MXI1: variants seen among roughly 807,000 people sequenced by gnomAD.
MXI1 encodes MAX interactor 1, dimerization protein, also known as max-interacting protein 1.
Under a neutral mutation model 36.9 loss-of-function variants are expected in MXI1, and 18 were observed. The ratio of observed to expected loss-of-function variants is 0.49; its 90% confidence interval spans 0.34 to 0.72. The LOEUF (loss-of-function observed/expected upper bound fraction) is 0.72, where lower values mean the gene tolerates loss of function less well. Among genes scored for constraint, MXI1 ranks in the 30% least tolerant of loss-of-function variants. MXI1 has a pLI of 0.01. For synonymous variants in MXI1, 160 were observed against 146.7 expected (o/e 1.09, Z -0.65); for missense variants, 304 against 379.1 (o/e 0.80, Z 1.64).
At chr10:110,222,343 A>T (rs1332124765) in intron 1 of MXI1, among the ~76,000 whole-genome samples, 4 of 152,212 alleles carry the variant, frequency 2.6e-5, no homozygotes, top group Non-Finnish European at 5.9e-5. Flanking sequence ...TCATCAACAC[A>T]GTAACTTTGG....
intron 1 of MXI1, among the ~76,000 whole-genome samples, chr10:110,214,696 T>C (rs1163875659): frequency 7.2e-6 from 1 of 139,382 alleles, no homozygotes. Flanking sequence ...TTAAACTGGG[T>C]TTCTGGAGGA....
rs1564709391 is a variant in MXI1 at position 110,228,228 on chromosome 10, C to T, written c.314C>T (p.Pro105Leu). The T allele has an allele frequency of 3.1e-6, 5 of 1,614,058 alleles. No homozygotes were observed. The highest frequency in any genetic ancestry group is 2.2e-5 in the South Asian group (2 of 91,070). Residue 105 changes from proline to leucine, a missense_variant, in exon 2 of 6, where the codon CCG (proline) becomes CTG (leucine). Pro to Leu is a moderately conservative substitution (Grantham distance 98). Coordinates refer to ENST00000332674, the MANE Select transcript of MXI1 (RefSeq NM_130439.3). ...HGYASSFPSM[P>L]SPRLQHSKPP... ...TACGCCTCTTCATTCCCGTCCATGCCGAGCCCCCGACTGCAGCATTCAAAG... is the reference window on the plus strand; with the variant it reads ...TACGCCTCTTCATTCCCGTCCATGCTGAGCCCCCGACTGCAGCATTCAAAG...
chr10:110,274,696 CATA>C (rs1287192845), intron 3 of MXI1, among the ~76,000 whole-genome samples: 1 of 152,080 alleles, frequency 6.6e-6, no homozygotes, highest in Non-Finnish European at 1.5e-5. Context: ...TAATGTTCAT[CATA>C]ATATTCAGAA....
intron 3 of MXI1, among the ~76,000 whole-genome samples, chr10:110,247,450 A>G (rs1342676506): frequency 2.6e-5 from 4 of 152,142 alleles, no homozygotes; most frequent in African/African-American, 9.7e-5. Flanking sequence ...TTTAGACATG[A>G]AGTCCTTGCC....
intron 2 of MXI1, among the ~76,000 whole-genome samples, chr10:110,230,418 C>T (rs1855217726): frequency 6.6e-6 from 1 of 151,852 alleles, no homozygotes; most frequent in South Asian, 2.1e-4. Context: ...TGATAGTGCC[C>T]AAAGGAGAAT....
intron 2 of MXI1, among the ~76,000 whole-genome samples, chr10:110,243,771 T>C (rs1855758457): frequency 6.6e-6 from 1 of 152,148 alleles, no homozygotes; most frequent in Admixed American, 6.5e-5. Flanking sequence ...TTAGTCCTTA[T>C]AACAATCATA....
intron 2 of MXI1, among the ~76,000 whole-genome samples, chr10:110,234,091 G>T (rs1855371801): frequency 6.6e-6 from 1 of 152,170 alleles, no homozygotes; most frequent in South Asian, 2.1e-4. Context: ...AAGCCTTACA[G>T]CTGTAGATGA....
chr10:110,242,111 G>A (rs1284648326), intron 2 of MXI1, among the ~76,000 whole-genome samples: 1 of 151,848 alleles, frequency 6.6e-6, no homozygotes, highest in Non-Finnish European at 1.5e-5. Flanking sequence ...ACTTGGAATG[G>A]CATCTCCTTA....
intron 3 of MXI1, among the ~76,000 whole-genome samples, chr10:110,271,912 A>T (rs1038980435): frequency 6.6e-6 from 1 of 152,214 alleles, no homozygotes; most frequent in Admixed American, 6.5e-5. Flanking sequence ...AGAATATGTG[A>T]CTATTTTGTC....
chr10:110,208,274 C>T, intron 1 of MXI1, 192 bp downstream of exon 1: 1 of 534,052 alleles, frequency 1.9e-6, no homozygotes, highest in Non-Finnish European at 3.0e-6. Context: ...CAAAGACGGG[C>T]GAGGGGGAGA....
intron 3 of MXI1, among the ~76,000 whole-genome samples, chr10:110,251,422 A>G (rs372893816): frequency 6.6e-6 from 1 of 152,146 alleles, no homozygotes. Flanking sequence ...GGTTAAGGTC[A>G]TTATAGTTTG....
chr10:110,215,627 C>T (rs896700737), intron 1 of MXI1, among the ~76,000 whole-genome samples: 1 of 152,164 alleles, frequency 6.6e-6, no homozygotes, highest in African/African-American at 2.4e-5. Flanking sequence ...TTTACTGATC[C>T]CAGGGTGTGT....
At chr10:110,233,216 A>G (rs1299112323) in intron 2 of MXI1, among the ~76,000 whole-genome samples, 1 of 152,206 alleles carries the variant, frequency 6.6e-6, no homozygotes, top group African/African-American at 2.4e-5. Flanking sequence ...TCTGTTGTTT[A>G]TAAGGCTTTA....
chr10:110,275,516 A>G (rs1856997181), intron 3 of MXI1, among the ~76,000 whole-genome samples: 1 of 152,174 alleles, frequency 6.6e-6, no homozygotes, highest in South Asian at 2.1e-4. Context: ...GACACTGAGG[A>G]GAATCGATTT....
In MXI1 at chr10:110,216,073, T is replaced by G. The variant is rs138733820; in HGVS notation, c.274+7991T>G. ...CTTTGTGGTCAAAAATAATGGGCAT[T>G]TGCCATCATCATGCTGAGCAGGAGG... On this transcript the variant is annotated intron_variant, in intron 1 of 5. Coordinates refer to ENST00000332674, the MANE Select transcript of MXI1 (RefSeq NM_130439.3). 2.0e-5 allele frequency among the ~76,000 whole-genome samples: 3 copies of G among 152,344 alleles called. No homozygotes were observed. The East Asian group carries it at 5.8e-4, about 29-fold the overall frequency.
chr10:110,282,389 G>A (rs554617977), intron 5 of MXI1, among the ~76,000 whole-genome samples: 1 of 151,602 alleles, frequency 6.6e-6, no homozygotes, highest in Non-Finnish European at 1.5e-5. Flanking sequence ...CTATGTAAAA[G>A]TTTATTTTTG....
At chr10:110,272,057 A>C (rs1399362484) in intron 3 of MXI1, among the ~76,000 whole-genome samples, 1 of 152,166 alleles carries the variant, frequency 6.6e-6, no homozygotes, top group East Asian at 1.9e-4. Flanking sequence ...TCCAAAGTCC[A>C]TAGTGATGTG....
chr10:110,228,278 C>T lies in MXI1; in HGVS notation c.364C>T (p.Gln122Ter). 6.2e-7 allele frequency: 1 copy of T among 1,614,148 alleles called. No homozygotes were observed. The change falls in exon 2 of 6, where the codon CAG becomes TAG. Residue 122 changes from glutamine (Q) to a stop codon, truncating the protein, a stop_gained. Coordinates refer to ENST00000332674, the MANE Select transcript of MXI1 (RefSeq NM_130439.3). LOFTEE classifies it high-confidence loss of function. Reference sequence around the variant, plus strand: ...GCCCCCACGGAGGTTGAGCCGGGCACAGAAACACAGCAGCGGGAGCAGCAA... The same window carrying T: ...GCCCCCACGGAGGTTGAGCCGGGCATAGAAACACAGCAGCGGGAGCAGCAA... ...SKPPRRLSRA[Q>*]KHSSGSSNTS...
rs2795913 is a variant in MXI1, at chr10:110,280,645, G to T, written c.724+560G>T. 2.3e-4 allele frequency among the ~76,000 whole-genome samples: 35 copies of T among 150,232 alleles called. 1 individual carries two copies. Among genetic ancestry groups the T allele is most frequent in the Non-Finnish European group, 3.8e-4 (26 of 67,610 alleles). ...CAGTGAGCCGAGATCATGCCACTGC[G>T]CTCCAGCCTGGGCAACAGAGTGAGG... is the stretch of plus-strand genomic sequence containing the variant. On this transcript the variant is annotated intron_variant, in intron 5 of 5. Transcript: ENST00000332674.
Sources: gnomAD v4.1 joint callset for allele counts (sites outside exome capture counted in the v4.1 genomes callset) on GRCh38, gnomAD v4.1.1 for gene constraint, MANE v1.5 for transcripts, NCBI Gene and HGNC (gene_info 2026-07-23, HGNC 2026-07-21) for gene names.